Variants in HDAC9 observed in about 807,000 individuals in gnomAD.
HDAC9 encodes MEF-2 interacting transcription repressor (MITR) protein.
HDAC9 carries 41 observed loss-of-function variants against 139.4 expected under a neutral mutation model. That is an observed-to-expected ratio of 0.29 (90% CI 0.23 to 0.38). The LOEUF is 0.38. Among genes scored for constraint, HDAC9 ranks in the 10% least tolerant of loss-of-function variants. The pLI is 1.00. For synonymous variants in HDAC9, 517 were observed against 476.2 expected (o/e 1.09, Z -1.12); for missense variants, 1,147 against 1,297.0 (o/e 0.88, Z 1.78).
At chr7:18,701,415 AC>A (rs567190330) in intron 12 of HDAC9, among the ~76,000 whole-genome samples, 39,409 of 133,734 alleles carry the variant, frequency 0.29, 5,691 homozygotes, top group East Asian at 0.4. Flanking sequence ...AACAAAACAA[AC>A]AAAAAAAAAA....
Position 18,980,739 on chromosome 7 carries a change from CTTCTTCCTTCTTCTTCTTCCTT to C in HDAC9, c.3170+4787_3170+4808del, listed in dbSNP as rs1473346073. ...CCTCTTCTTCTTCCTTCTTCTTCTT[CTTCTTCCTTCTTCTTCTTCCTT>C]CTTCTTCTTCTTCTTCCTCTTCTTC... On this transcript the variant is annotated intron_variant, in intron 25 of 25. Transcript: ENST00000686413. 3.0e-3 allele frequency among the ~76,000 whole-genome samples: 115 copies of C among 38,134 alleles called. 1 individual carries two copies. The highest frequency in any genetic ancestry group is 0.011 in the African/African-American group (103 of 9,752). The allele number at this position is 38,134 out of a possible 152,430, so 25.0% of individuals were successfully genotyped here. A position where few individuals can be genotyped will look rare whatever the true frequency, so the allele number is the denominator to read the frequency against.
At chr7:18,497,035 A>C (rs1338762913) in intron 2 of HDAC9, among the ~76,000 whole-genome samples, 1 of 152,126 alleles carries the variant, frequency 6.6e-6, no homozygotes, top group South Asian at 2.1e-4. Flanking sequence ...TCTAATTTCT[A>C]GTTTCTCAAG....
chr7:18,167,890 C>T (rs1016411952), intron 2 of HDAC9, among the ~76,000 whole-genome samples: 1 of 152,120 alleles, frequency 6.6e-6, no homozygotes, highest in South Asian at 2.1e-4. Context: ...ACTGCAGATA[C>T]GGTATTGCTT....
At chr7:18,977,919 G>GACACACACACACACAC (rs147049392) in intron 25 of HDAC9, among the ~76,000 whole-genome samples, 10 of 140,922 alleles carry the variant, frequency 7.1e-5, no homozygotes, top group South Asian at 4.6e-4. Flanking sequence ...CAGACAGACA[G>GACACACACACACACAC]ACACACACAC....
chr7:18,384,069 G>C (rs982486561), intron 1 of HDAC9, among the ~76,000 whole-genome samples: 1 of 152,096 alleles, frequency 6.6e-6, no homozygotes, highest in East Asian at 1.9e-4. Flanking sequence ...CCAGCCATTT[G>C]GGAGGCCAAG....
chr7:18,707,614 T>C (rs958063002), intron 12 of HDAC9, among the ~76,000 whole-genome samples: 1 of 152,194 alleles, frequency 6.6e-6, no homozygotes, highest in Non-Finnish European at 1.5e-5. Context: ...GCTCTTTTTT[T>C]AGGTAGGGAA....
intron 2 of HDAC9, among the ~76,000 whole-genome samples, chr7:18,275,885 T>G (rs1796688540): frequency 6.6e-6 from 1 of 152,198 alleles, no homozygotes; most frequent in Non-Finnish European, 1.5e-5. Context: ...GTGTACACTC[T>G]TTATTGTCTG....
At chr7:18,249,927 A>C (rs1794811729) in intron 2 of HDAC9, among the ~76,000 whole-genome samples, 2 of 152,210 alleles carry the variant, frequency 1.3e-5, no homozygotes, top group African/African-American at 4.8e-5. Context: ...ATTCTACTCT[A>C]GGAACTGGAA....
At chr7:18,389,928 T>C (rs1337294991) in intron 1 of HDAC9, among the ~76,000 whole-genome samples, 2 of 152,132 alleles carry the variant, frequency 1.3e-5, no homozygotes, top group Non-Finnish European at 2.9e-5. Flanking sequence ...CAGTTTTATA[T>C]TTATTTTGGC....
chr7:18,196,645 A>G (rs1430719140), intron 2 of HDAC9, among the ~76,000 whole-genome samples: 1 of 152,154 alleles, frequency 6.6e-6, no homozygotes, highest in East Asian at 1.9e-4. Context: ...TATTCAGAGT[A>G]AGGTGTCATT....
At chr7:18,976,374 G>A (rs2129338298) in intron 25 of HDAC9, among the ~76,000 whole-genome samples, 1 of 152,288 alleles carries the variant, frequency 6.6e-6, no homozygotes, top group East Asian at 1.9e-4. Flanking sequence ...AGTAGAAGAT[G>A]GAAATAATGC....
chr7:18,766,291 A>G (rs953694701), intron 15 of HDAC9, among the ~76,000 whole-genome samples: 1 of 152,216 alleles, frequency 6.6e-6, no homozygotes, highest in Non-Finnish European at 1.5e-5. Flanking sequence ...AATGTTAAAG[A>G]TGTAGGAGCA....
At chr7:18,631,981 A>G (rs189448504) in intron 7 of HDAC9, among the ~76,000 whole-genome samples, 1,950 of 151,946 alleles carry the variant, frequency 0.013, 16 homozygotes, top group Middle Eastern at 0.031. Context: ...TTCAGTCTTA[A>G]TATCATAAAA....
intron 1 of HDAC9, among the ~76,000 whole-genome samples, chr7:18,375,340 C>T (rs961972890): frequency 6.6e-6 from 1 of 151,994 alleles, no homozygotes; most frequent in African/African-American, 2.4e-5. Context: ...CATGGTGGCA[C>T]ATGCTTGTAA....
chr7:18,784,561 G>A (rs1791535307), intron 16 of HDAC9, among the ~76,000 whole-genome samples: 1 of 151,948 alleles, frequency 6.6e-6, no homozygotes, highest in Middle Eastern at 3.4e-3. Context: ...GACATTTGCA[G>A]AAGCACAGAG....
At chr7:18,278,905 A>C (rs1227546678) in intron 2 of HDAC9, among the ~76,000 whole-genome samples, 2 of 152,202 alleles carry the variant, frequency 1.3e-5, no homozygotes, top group Non-Finnish European at 2.9e-5. Flanking sequence ...CTATAACAAG[A>C]GTTTTCTCTG....
At chr7:18,243,133 T>C (rs1460313911) in intron 2 of HDAC9, among the ~76,000 whole-genome samples, 1 of 152,236 alleles carries the variant, frequency 6.6e-6, no homozygotes, top group Non-Finnish European at 1.5e-5. Flanking sequence ...ACATAGTCAT[T>C]CTTTTTCTGT....
chr7:18,221,067 CCA>C (rs1792663371), intron 2 of HDAC9, among the ~76,000 whole-genome samples: 1 of 151,144 alleles, frequency 6.6e-6, no homozygotes, highest in African/African-American at 2.4e-5. Flanking sequence ...AATTATAATT[CCA>C]CAGTGACAAT....
chr7:18,390,411 C>T (rs1786364491), intron 1 of HDAC9, among the ~76,000 whole-genome samples: 3 of 152,072 alleles, frequency 2.0e-5, no homozygotes, highest in Non-Finnish European at 2.9e-5. Flanking sequence ...TTCCTAGAAA[C>T]CCTTAGGGTT....
Sources: gnomAD v4.1 joint callset for allele counts (sites outside exome capture counted in the v4.1 genomes callset) on GRCh38, gnomAD v4.1.1 for gene constraint, MANE v1.5 for transcripts, NCBI Gene and HGNC (gene_info 2026-07-23, HGNC 2026-07-21) for gene names.